Variants in ZNF365 observed in about 807,000 individuals in gnomAD.
ZNF365 encodes the protein zinc finger protein 365, also known as protein ZNF365.
ZNF365 carries 22 observed loss-of-function variants against 35.0 expected under a neutral mutation model. The ratio of observed to expected loss-of-function variants is 0.63; its 90% CI spans 0.45 to 0.90. ZNF365 has a LOEUF of 0.90. Ranked by LOEUF, ZNF365 falls within the 40% of genes least tolerant of loss-of-function variation. The probability of loss-of-function intolerance (pLI) is 0.00; values close to 1 mark genes in which losing one functional copy is unlikely to be tolerated. For missense variants in ZNF365, 448 were observed against 500.3 expected (o/e 0.90, Z 1.00); for synonymous variants, 188 against 196.2 (o/e 0.96, Z 0.35).
At chr10:62,425,037 C>A (rs1331432494) in intron 3 of ZNF365, among the ~76,000 whole-genome samples, 1 of 152,126 alleles carries the variant, frequency 6.6e-6, no homozygotes, top group Non-Finnish European at 1.5e-5. Flanking sequence ...TTTAGAAACA[C>A]ATCCTTTTGG....
intron 4 of ZNF365, among the ~76,000 whole-genome samples, chr10:62,470,925 A>G (rs1841022869): frequency 6.6e-6 from 1 of 151,044 alleles, no homozygotes; most frequent in Admixed American, 6.6e-5. Context: ...TTTCATTAAC[A>G]TGGAAGAGTT....
At chr10:62,385,763 CAG>C (rs1839514762) in intron 2 of ZNF365, among the ~76,000 whole-genome samples, 1 of 152,136 alleles carries the variant, frequency 6.6e-6, no homozygotes, top group Admixed American at 6.5e-5. Flanking sequence ...GGACTTAGAA[CAG>C]AGAACAAAAG....
intron 3 of ZNF365, among the ~76,000 whole-genome samples, chr10:62,410,565 G>A (rs1215081618): frequency 6.6e-6 from 1 of 152,034 alleles, no homozygotes; most frequent in African/African-American, 2.4e-5. Context: ...CCCACCCTAT[G>A]TCTATGTGTT....
intron 3 of ZNF365, among the ~76,000 whole-genome samples, chr10:62,419,560 A>G (rs1357593838): frequency 2.0e-5 from 3 of 151,878 alleles, no homozygotes; most frequent in African/African-American, 7.3e-5. Flanking sequence ...TCATTGGTTA[A>G]CAGAGGTAAC....
At chr10:62,431,284 C>G (rs556761677) in intron 3 of ZNF365, among the ~76,000 whole-genome samples, 1 of 152,324 alleles carries the variant, frequency 6.6e-6, no homozygotes, top group South Asian at 2.1e-4. Flanking sequence ...AAAAACAGTA[C>G]TTCTCTTGAG....
chr10:62,420,911 T>C (rs1840156898), intron 3 of ZNF365, among the ~76,000 whole-genome samples: 1 of 151,652 alleles, frequency 6.6e-6, no homozygotes. Flanking sequence ...GCCTCCTGAG[T>C]AGCTGAGACC....
intron 3 of ZNF365, among the ~76,000 whole-genome samples, chr10:62,442,527 C>T (rs979814117): frequency 6.6e-6 from 1 of 152,166 alleles, no homozygotes; most frequent in Non-Finnish European, 1.5e-5. Context: ...GGTGCTGAAA[C>T]GATGGCTTCA....
chr10:62,432,503 A>C (rs182687526), intron 3 of ZNF365, among the ~76,000 whole-genome samples: 162 of 152,296 alleles, frequency 1.1e-3, no homozygotes, highest in African/African-American at 3.7e-3. Flanking sequence ...ATTTCACTGA[A>C]ATGGGTACCT....
intron 3 of ZNF365, among the ~76,000 whole-genome samples, chr10:62,420,036 C>A (rs1840141663): frequency 6.6e-6 from 1 of 151,920 alleles, no homozygotes; most frequent in Admixed American, 6.6e-5. Flanking sequence ...TTTTATATTT[C>A]TCCTTTAAAA....
intron 4 of ZNF365, among the ~76,000 whole-genome samples, chr10:62,461,709 A>C (rs1047452721): frequency 6.6e-6 from 1 of 152,240 alleles, no homozygotes; most frequent in Admixed American, 6.5e-5. Context: ...CGCGGACTTC[A>C]ATGTGCTCCA....
chr10:62,457,767 G>T (rs1840783410), intron 3 of ZNF365, among the ~76,000 whole-genome samples: 2 of 152,174 alleles, frequency 1.3e-5, no homozygotes, highest in South Asian at 4.2e-4. Flanking sequence ...TAGGTGTCAG[G>T]TGCAGCTCCC....
intron 3 of ZNF365, among the ~76,000 whole-genome samples, chr10:62,436,206 C>T (rs1840404729): frequency 6.6e-6 from 1 of 151,936 alleles, no homozygotes; most frequent in Non-Finnish European, 1.5e-5. Context: ...ACTGGCAATC[C>T]CACCAGGCAA....
At chr10:62,461,801 CA>C (rs968856489) in intron 4 of ZNF365, among the ~76,000 whole-genome samples, 4 of 152,094 alleles carry the variant, frequency 2.6e-5, no homozygotes, top group African/African-American at 9.7e-5. Context: ...AAAAATCTTA[CA>C]AAAAAATTAA....
chr10:62,460,902 A>G (rs1840836897), intron 4 of ZNF365, among the ~76,000 whole-genome samples: 1 of 152,214 alleles, frequency 6.6e-6, no homozygotes, highest in African/African-American at 2.4e-5. Flanking sequence ...GAATCTGTCC[A>G]GGTGTGAAGC....
At chr10:62,448,674 C>T (rs3847337) in intron 3 of ZNF365, among the ~76,000 whole-genome samples, 41,422 of 151,860 alleles carry the variant, frequency 0.27, 5,756 homozygotes, top group South Asian at 0.31. Context: ...AGAGGGCTTA[C>T]GAAAGTCTAA....
At chr10:62,439,347 T>C (rs1437566090) in intron 3 of ZNF365, among the ~76,000 whole-genome samples, 1 of 151,310 alleles carries the variant, frequency 6.6e-6, no homozygotes, top group African/African-American at 2.4e-5. Flanking sequence ...ATTGATTAAA[T>C]AATCTTTACT....
At chr10:62,462,439 G>C (rs1440418191) in intron 4 of ZNF365, among the ~76,000 whole-genome samples, 2 of 152,218 alleles carry the variant, frequency 1.3e-5, no homozygotes, top group Non-Finnish European at 2.9e-5. Flanking sequence ...GGAGGAGGCT[G>C]TGTGTACTCC....
At chr10:62,385,560 G>A (rs1295274821) in intron 2 of ZNF365, among the ~76,000 whole-genome samples, 1 of 152,268 alleles carries the variant, frequency 6.6e-6, no homozygotes, top group East Asian at 1.9e-4. Flanking sequence ...AGACTGTATA[G>A]CATGAAAGCC....
At position 62,428,151 on chromosome 10, in the gene ZNF365, T is replaced by C. The variant is rs73290617; in HGVS notation, c.925-31590T>C. Among the ~76,000 whole-genome samples, 345 of 152,334 alleles carry C rather than the reference T, an allele frequency of 2.3e-3. 1 individual carries two copies. The highest frequency in any genetic ancestry group is 7.6e-3 in the African/African-American group (314 of 41,574). On this transcript the variant is annotated intron_variant, in intron 3 of 4. Transcript: ENST00000395255. The stretch of plus-strand genomic sequence containing the variant: ...TATTATGATATTTACCTTAGAGTAC[T>C]ATTGTGAGGTTGGAAATATTAGATT...
Sources: gnomAD v4.1 joint callset for allele counts (sites outside exome capture counted in the v4.1 genomes callset) on GRCh38, gnomAD v4.1.1 for gene constraint, MANE v1.5 for transcripts, NCBI Gene and HGNC (gene_info 2026-07-23, HGNC 2026-07-21) for gene names.